PDE1A: variants seen among roughly 807,000 people sequenced by gnomAD.
PDE1A encodes phosphodiesterase 1A, also known as dual specificity calcium/calmodulin-dependent 3',5'-cyclic nucleotide phosphodiesterase 1A.
Under a neutral mutation model 61.7 loss-of-function variants are expected in PDE1A, and 35 were observed. That is an observed-to-expected ratio of 0.57 (90% CI 0.43 to 0.75). PDE1A has a LOEUF of 0.75. Ranked by LOEUF, PDE1A falls within the 30% of genes least tolerant of loss-of-function variation. PDE1A has a pLI of 0.00. For missense variants in PDE1A, 597 were observed against 630.6 expected (o/e 0.95, Z 0.57); for synonymous variants, 232 against 213.2 (o/e 1.09, Z -0.77).
chr2:182,623,811 G>A, the PDE1A span, among the ~76,000 whole-genome samples: 4 of 152,130 alleles, frequency 2.6e-5, no homozygotes, highest in Admixed American at 2.6e-4. Flanking sequence ...CAGCTTGCTT[G>A]AACATTATAC....
chr2:182,405,803 A>T (rs1419671446), intron 1 of PDE1A, among the ~76,000 whole-genome samples: 1 of 152,186 alleles, frequency 6.6e-6, no homozygotes, highest in Non-Finnish European at 1.5e-5. Flanking sequence ...ATTTGAGGTG[A>T]TGGATATCTT....
the PDE1A span, among the ~76,000 whole-genome samples, chr2:182,554,904 C>G: frequency 1.2e-3 from 187 of 152,282 alleles, 3 homozygotes; most frequent in Non-Finnish European, 1.5e-4. Context: ...TTGGAGGAAA[C>G]TCTTTGAAAA....
At chr2:182,709,184 AT>A in the PDE1A span, among the ~76,000 whole-genome samples, 3 of 143,686 alleles carry the variant, frequency 2.1e-5, no homozygotes, top group Non-Finnish European at 3.1e-5. Context: ...AAAAAAAAAA[AT>A]TTAGAAAAAC....
At chr2:182,409,914 T>C (rs1336695048) in intron 1 of PDE1A, among the ~76,000 whole-genome samples, 1 of 152,236 alleles carries the variant, frequency 6.6e-6, no homozygotes, top group Non-Finnish European at 1.5e-5. Flanking sequence ...GTAAGGATAA[T>C]AATTTTAATA....
chr2:182,492,912 G>A (rs889150760), intron 2 of PDE1A, among the ~76,000 whole-genome samples: 3 of 151,944 alleles, frequency 2.0e-5, no homozygotes, highest in Non-Finnish European at 2.9e-5. Flanking sequence ...ATACTAAAAC[G>A]TGTGGGGAAC....
At position 182,408,131 on chromosome 2, in the gene PDE1A, T is replaced by C. The variant is rs368889022; in HGVS notation, c.53+18447A>G. ...ATAGCTAATCACTGGTGTAAGTCAC[T>C]GGAGTTTAGTCAATCAATTTATGCA... On this transcript the variant is annotated intron_variant, in intron 1 of 13. Transcript: ENST00000351439. 8.2e-5 allele frequency among the ~76,000 whole-genome samples: 12 copies of C among 146,022 alleles called. No individual in the cohort carries two copies. The East Asian group carries it at 2.0e-3, about 25-fold the overall frequency.
intron 1 of PDE1A, among the ~76,000 whole-genome samples, chr2:182,282,233 T>C (rs1283175238): frequency 6.6e-6 from 1 of 151,974 alleles, no homozygotes; most frequent in African/African-American, 2.4e-5. Flanking sequence ...CTGTCTCCAC[T>C]ATCCATGCTC....
chr2:182,607,093 T>G, the PDE1A span, among the ~76,000 whole-genome samples: 1 of 151,964 alleles, frequency 6.6e-6, no homozygotes, highest in African/African-American at 2.4e-5. Flanking sequence ...GGAAGAGGAA[T>G]TGGTCAACCA....
chr2:182,301,802 A>C (rs992969033), intron 1 of PDE1A, among the ~76,000 whole-genome samples: 1 of 152,216 alleles, frequency 6.6e-6, no homozygotes, highest in Non-Finnish European at 1.5e-5. Flanking sequence ...CCTCTGTCTG[A>C]AAAGGTCATA....
chr2:182,444,203 C>T (rs1438763703), intron 2 of PDE1A, among the ~76,000 whole-genome samples: 3 of 152,136 alleles, frequency 2.0e-5, no homozygotes, highest in Admixed American at 6.5e-5. Flanking sequence ...TTTTAAGTTC[C>T]TTTGCCTAGA....
intron 1 of PDE1A, among the ~76,000 whole-genome samples, chr2:182,421,664 A>G (rs1298991484): frequency 6.6e-6 from 1 of 152,240 alleles, no homozygotes; most frequent in African/African-American, 2.4e-5. Context: ...TAGTTTATCT[A>G]TTAGTGATGA....
At chr2:182,562,289 C>T in the PDE1A span, among the ~76,000 whole-genome samples, 610 of 151,258 alleles carry the variant, frequency 4.0e-3, no homozygotes, top group Non-Finnish European at 6.7e-3. Flanking sequence ...TGTCAAAGGC[C>T]TTTTCTGCAT....
intron 2 of PDE1A, among the ~76,000 whole-genome samples, chr2:182,450,744 G>C (rs1559474984): frequency 6.6e-6 from 1 of 151,260 alleles, no homozygotes; most frequent in East Asian, 2.0e-4. Context: ...ATCACTGTAT[G>C]ACCTGGTAGC....
chr2:182,386,948 G>A (rs1310505298), intron 1 of PDE1A, among the ~76,000 whole-genome samples: 2 of 152,256 alleles, frequency 1.3e-5, no homozygotes, highest in Non-Finnish European at 1.5e-5. Context: ...AATGGGCCAT[G>A]ATGACGACGG....
intron 2 of PDE1A, among the ~76,000 whole-genome samples, chr2:182,491,207 T>C (rs1688370627): frequency 6.6e-6 from 1 of 152,120 alleles, no homozygotes; most frequent in African/African-American, 2.4e-5. Context: ...CAGCAGTCAG[T>C]ATAATAGTGT....
chr2:182,382,215 T>A (rs1700777248), intron 1 of PDE1A, among the ~76,000 whole-genome samples: 1 of 152,178 alleles, frequency 6.6e-6, no homozygotes, highest in African/African-American at 2.4e-5. Flanking sequence ...TCAAATCTAA[T>A]CACATGAGTC....
In PDE1A at chr2:182,364,466, T is replaced by TAAAAAAAAAAAAAAAAAAAAAA. The variant is rs201821721; in HGVS notation, c.53+62090_53+62111dup. Among the ~76,000 whole-genome samples the TAAAAAAAAAAAAAAAAAAAAAA allele has an allele frequency of 3.1e-4, 11 of 35,842 alleles. 3 individuals carry two copies. Among genetic ancestry groups the TAAAAAAAAAAAAAAAAAAAAAA allele is most frequent in the East Asian group, 2.0e-3 (3 of 1,512 alleles). The allele number at this position is 35,842 out of a possible 152,430, so 23.5% of individuals were successfully genotyped here. On this transcript the variant is annotated intron_variant, in intron 1 of 13. Coordinates refer to ENST00000351439, the Ensembl canonical transcript of PDE1A. ...CTCAGACTATATTAGAACACTTTGG[T>TAAAAAAAAAAAAAAAAAAAAAA]AAAAAAAAAAAAAAAAAAAAAAAAA...
chr2:182,206,882 A>G (rs1303478060), intron 7 of PDE1A, among the ~76,000 whole-genome samples: 3 of 152,088 alleles, frequency 2.0e-5, no homozygotes. Flanking sequence ...AGATGTGCTT[A>G]CTTCCTCTTC....
chr2:182,509,043 G>A (rs936351182), intron 2 of PDE1A, among the ~76,000 whole-genome samples: 1 of 148,966 alleles, frequency 6.7e-6, no homozygotes, highest in African/African-American at 2.5e-5. Context: ...TCCCACCTAT[G>A]AGTGAGAATA....
Sources: gnomAD v4.1 joint callset for allele counts (sites outside exome capture counted in the v4.1 genomes callset) on GRCh38, gnomAD v4.1.1 for gene constraint, MANE v1.5 for transcripts, NCBI Gene and HGNC (gene_info 2026-07-23, HGNC 2026-07-21) for gene names.